Variants in LVRN observed in about 807,000 individuals in gnomAD.
LVRN encodes the protein laeverin.
In LVRN, 99 loss-of-function variants were observed where a neutral mutation model predicts 111.4. That is an observed-to-expected ratio of 0.89 (90% CI 0.76 to 1.05). The LOEUF (loss-of-function observed/expected upper bound fraction) is 1.05, where lower values mean the gene tolerates loss of function less well. Ranked by LOEUF, LVRN falls within the 50% of genes least tolerant of loss-of-function variation. The probability of loss-of-function intolerance (pLI) is 0.00; values close to 1 mark genes in which losing one functional copy is unlikely to be tolerated. For synonymous variants in LVRN, 488 were observed against 449.5 expected (o/e 1.09, Z -1.08); for missense variants, 1,414 against 1,206.8 (o/e 1.17, Z -2.54).
At chr5:116,017,137 T>C (rs1029216585) in intron 18 of LVRN, among the ~76,000 whole-genome samples, 1 of 152,166 alleles carries the variant, frequency 6.6e-6, no homozygotes, top group Non-Finnish European at 1.5e-5. Context: ...ATCTCCTCCT[T>C]CTACCTGGAG....
intron 13 of LVRN, chr5:116,010,464 C>G (rs769703733): frequency 2.1e-6 from 1 of 487,162 alleles, no homozygotes; most frequent in African/African-American, 2.0e-5. Flanking sequence ...GAATGCATAA[C>G]TCTTCTATTT....
In LVRN at chr5:115,963,149, G is replaced by T; in HGVS notation, c.532G>T (p.Asp178Tyr). The change falls in exon 1 of 20, where the codon GAC becomes TAC. Residue 178 changes from aspartate to tyrosine, a missense_variant. Physicochemically the swap from Asp to Tyr is radical, Grantham distance 160. Transcript: ENST00000357872. ...CACAGTGGGCCGCGTGCCCGTGGAC[G>T]ACGTGTGGTTCGCGCTGGACACGGA... is the stretch of plus-strand genomic sequence containing the variant. ...NATVGRVPVD[D>Y]VWFALDTEYM... 1 of 1,613,302 alleles carries T rather than the reference G, an allele frequency of 6.2e-7. No homozygotes were observed.
In LVRN at chr5:115,981,818, A is replaced by G. The variant is rs570834298; in HGVS notation, c.696-1469A>G. On this transcript the variant is annotated intron_variant, in intron 1 of 19. Coordinates refer to ENST00000357872, the MANE Select transcript of LVRN (RefSeq NM_173800.5). Reference sequence around the variant, plus strand: ...CTTATCCCTCTTTGAGTTCTTCTATAGTTCATCTGTATCAAGAATGATTTG... The same window carrying G: ...CTTATCCCTCTTTGAGTTCTTCTATGGTTCATCTGTATCAAGAATGATTTG... Among the ~76,000 whole-genome samples, 42 of 152,284 alleles carry G rather than the reference A, an allele frequency of 2.8e-4. 1 individual carries two copies. The East Asian group carries it at 4.8e-3, about 17-fold the overall frequency.
Position 116,003,276 on chromosome 5 carries a change from C to T in LVRN, c.1933C>T (p.His645Tyr). Residue 645 changes from histidine to tyrosine, a missense_variant, in exon 12 of 20, where the codon CAT (histidine) becomes TAT (tyrosine). Transcript: ENST00000357872. ...AGAAATGCAAGTTTCAGATTCTGAC[C>T]ATGACTGGGTGATTTTGAATTTGAA... ...FPEMQVSDSD[H>Y]DWVILNLNMT... 6.3e-7 allele frequency: 1 copy of T among 1,581,416 alleles called. No individual in the cohort carries two copies. Among genetic ancestry groups the T allele is most frequent in the Non-Finnish European group, 8.6e-7 (1 of 1,163,298 alleles).
At chr5:115,986,645 T>C (rs1165636912) in intron 3 of LVRN, among the ~76,000 whole-genome samples, 1 of 152,194 alleles carries the variant, frequency 6.6e-6, no homozygotes, top group Non-Finnish European at 1.5e-5. Flanking sequence ...ACACTTGGAA[T>C]AGAGTCCAGC....
intron 14 of LVRN, among the ~76,000 whole-genome samples, chr5:116,011,941 C>CTT (rs201972187): frequency 8.6e-5 from 13 of 151,000 alleles, no homozygotes; most frequent in Middle Eastern, 3.4e-3. Context: ...TAAACCAGTT[C>CTT]TTTTTTTTTG....
In LVRN at chr5:116,015,901, T is replaced by C. The variant is rs147243989; in HGVS notation, c.2756+136T>C. ...TCCTTTGCATTGACTAGAAAAGTTA[T>C]CATTTTTCCTTTGTTTAGTCTCACT... On this transcript the variant is annotated intron_variant, in intron 18 of 19. Coordinates refer to ENST00000357872, the MANE Select transcript of LVRN (RefSeq NM_173800.5). The C allele has an allele frequency of 4.6e-6, 5 of 1,087,634 alleles. No homozygotes were observed. In the African/African-American group the frequency reaches 6.5e-5, roughly 14 times the overall value. The allele number at this position is 1,087,634 out of a possible 1,614,324, so 67.4% of individuals were successfully genotyped here.
At chr5:115,963,807 A>G (rs1468725731) in intron 1 of LVRN, among the ~76,000 whole-genome samples, 2 of 152,138 alleles carry the variant, frequency 1.3e-5, no homozygotes, top group Non-Finnish European at 2.9e-5. Flanking sequence ...TCCTCTGGCC[A>G]GTTTTCAACC....
intron 16 of LVRN, among the ~76,000 whole-genome samples, chr5:116,014,830 A>G (rs1369184860): frequency 6.6e-6 from 1 of 152,032 alleles, no homozygotes; most frequent in African/African-American, 2.4e-5. Flanking sequence ...GTTGTTCTTT[A>G]TGATTGTTTA....
At chr5:116,024,584 C>A (rs1007429965) in intron 19 of LVRN, among the ~76,000 whole-genome samples, 1 of 152,084 alleles carries the variant, frequency 6.6e-6, no homozygotes, top group Non-Finnish European at 1.5e-5. Flanking sequence ...AAAAGCTCCG[C>A]GAATCAAGAC....
intron 19 of LVRN, among the ~76,000 whole-genome samples, chr5:116,024,183 T>TAAGTAGA (rs1387125445): frequency 6.6e-6 from 1 of 152,176 alleles, no homozygotes; most frequent in East Asian, 1.9e-4. Flanking sequence ...GTGGTCAAAA[T>TAAGTAGA]TCATTGACTT....
chr5:115,973,195 GT>G (rs1337735939), intron 1 of LVRN, among the ~76,000 whole-genome samples: 1 of 152,192 alleles, frequency 6.6e-6, no homozygotes, highest in African/African-American at 2.4e-5. Context: ...CTCCCAAAGT[GT>G]TGGAATTACA....
intron 19 of LVRN, among the ~76,000 whole-genome samples, chr5:116,025,719 T>C (rs1748849211): frequency 6.6e-6 from 1 of 152,194 alleles, no homozygotes. Flanking sequence ...AGACTCAATA[T>C]GTGCTTTGGG....
chr5:116,022,833 G>T lies in LVRN; in HGVS notation c.2832+367G>T, dbSNP rs1580404008. Reference sequence around the variant, plus strand: ...AAGCAATTTTGAAATATTGTGATTAGCACATGAGGCCCTTAATGATCTGGC... The same window carrying T: ...AAGCAATTTTGAAATATTGTGATTATCACATGAGGCCCTTAATGATCTGGC... On this transcript the variant is annotated intron_variant, in intron 19 of 19. Coordinates refer to ENST00000357872, the MANE Select transcript of LVRN (RefSeq NM_173800.5). 4.6e-5 allele frequency among the ~76,000 whole-genome samples: 7 copies of T among 152,194 alleles called. No individual in the cohort carries two copies. In the East Asian group the frequency reaches 1.3e-3, roughly 29 times the overall value.
At position 115,999,851 on chromosome 5, in the gene LVRN, T is replaced by C; in HGVS notation, c.1464T>C (p.Asn488=). ...VTRAVAMKVE[N]FKTSEIQELF... ...GAGCTGTGGCCATGAAGGTGGAAAA[T>C]TTCAAAACAAGTGAAATACAGGAAC... is the stretch of plus-strand genomic sequence containing the variant. The change falls in exon 7 of 20, where the codon AAT becomes AAC. Residue 488 remains asparagine, a synonymous_variant. Coordinates refer to ENST00000357872, the MANE Select transcript of LVRN (RefSeq NM_173800.5). 5 of 1,613,722 alleles carry C rather than the reference T, an allele frequency of 3.1e-6. No homozygotes were observed. The highest frequency in any genetic ancestry group is 4.2e-6 in the Non-Finnish European group (5 of 1,179,856).
chr5:115,987,360 T>C (rs751123687), intron 3 of LVRN, among the ~76,000 whole-genome samples: 1 of 152,210 alleles, frequency 6.6e-6, no homozygotes, highest in Non-Finnish European at 1.5e-5. Context: ...TTCTAACTGC[T>C]AAACAATTTT....
chr5:116,018,110 A>C (rs2112639773), intron 18 of LVRN, among the ~76,000 whole-genome samples: 2 of 152,310 alleles, frequency 1.3e-5, no homozygotes, highest in South Asian at 4.1e-4. Context: ...AAAATTTAAA[A>C]ATTAAAATAA....
intron 1 of LVRN, among the ~76,000 whole-genome samples, chr5:115,967,063 T>C (rs1753218823): frequency 6.6e-6 from 1 of 152,236 alleles, no homozygotes. Flanking sequence ...ATATATGGTT[T>C]GCAAATATGT....
At chr5:116,010,304 C>A (rs368657013) in intron 13 of LVRN, among the ~76,000 whole-genome samples, 1 of 152,276 alleles carries the variant, frequency 6.6e-6, no homozygotes, top group African/African-American at 2.4e-5. Context: ...ATGATATTAG[C>A]TTTATTGTGG....
Sources: allele counts gnomAD v4.1 joint callset (sites outside exome capture counted in the v4.1 genomes callset), GRCh38; gene constraint gnomAD v4.1.1; transcripts MANE v1.5; gene names NCBI Gene and HGNC (gene_info 2026-07-23, HGNC 2026-07-21).